Variants in PRKD3 observed in about 807,000 individuals in gnomAD.
PRKD3 encodes the protein serine/threonine-protein kinase D3.
Under a neutral mutation model 99.2 loss-of-function variants are expected in PRKD3, and 47 were observed. The ratio of observed to expected loss-of-function variants is 0.47; its 90% CI spans 0.38 to 0.60. The LOEUF (loss-of-function observed/expected upper bound fraction) is 0.60, where lower values mean the gene tolerates loss of function less well. PRKD3 is among the 20% of genes least tolerant of loss of function. PRKD3 has a pLI of 0.00. For synonymous variants in PRKD3, 392 were observed against 355.4 expected, an observed-to-expected ratio of 1.10 and a Z score of -1.16; for missense variants, 1,019 against 1,088.4, an observed-to-expected ratio of 0.94 and a Z score of 0.90.
Position 37,260,434 on chromosome 2 carries a change from T to G in PRKD3, c.1885-50A>C, listed in dbSNP as rs1486610887. 2.0e-6 allele frequency: 3 copies of G among 1,499,858 alleles called. No homozygotes were observed. In the South Asian group the frequency reaches 3.4e-5, roughly 17 times the overall value. 92.9% of individuals were successfully genotyped at this position (1,499,858 alleles called of 1,614,324 possible). On this transcript the variant is annotated intron_variant, in intron 14 of 18. Transcript: ENST00000234179. ...GAGCAACTTAAGCAGAGAAACAGTT[T>G]TACTAATATCTAGATGTGCTATGAT... is the stretch of plus-strand genomic sequence containing the variant.
chr2:37,262,110 T>A (rs1668508073), intron 14 of PRKD3, among the ~76,000 whole-genome samples: 1 of 152,172 alleles, frequency 6.6e-6, no homozygotes, highest in Non-Finnish European at 1.5e-5. Flanking sequence ...TTTATGGAGA[T>A]ATGACCCCGT....
chr2:37,304,195 C>CT (rs1244660479), intron 2 of PRKD3, among the ~76,000 whole-genome samples: 4 of 96,852 alleles, frequency 4.1e-5, no homozygotes, highest in Non-Finnish European at 8.3e-5. Context: ...CAGGTACTTA[C>CT]TAAAAAAAAA....
intron 2 of PRKD3, among the ~76,000 whole-genome samples, chr2:37,300,341 T>C (rs559627139): frequency 6.6e-6 from 1 of 151,984 alleles, no homozygotes; most frequent in Non-Finnish European, 1.5e-5. Flanking sequence ...CTCATGGAGA[T>C]AGAGAGTAGA....
intron 2 of PRKD3, among the ~76,000 whole-genome samples, chr2:37,307,816 T>G (rs1671228449): frequency 1.3e-5 from 2 of 152,256 alleles, no homozygotes; most frequent in Admixed American, 6.5e-5. Context: ...ACGCTTTTGG[T>G]CATATCCAAG....
intron 1 of PRKD3, among the ~76,000 whole-genome samples, chr2:37,323,584 G>A (rs1220642356): frequency 6.6e-6 from 1 of 152,122 alleles, no homozygotes; most frequent in Non-Finnish European, 1.5e-5. Context: ...CTAGATCTCA[G>A]TCGGGGGAAC....
intron 17 of PRKD3, 21 bp downstream of exon 17, chr2:37,256,641 T>A (rs752733905): frequency 8.2e-5 from 114 of 1,383,144 alleles, no homozygotes; most frequent in South Asian, 3.2e-4. Flanking sequence ...TTTTTTTTTT[T>A]TTTTTTTTTT....
chr2:37,289,206 C>T, intron 5 of PRKD3, 150 bp downstream of exon 5: 2 of 930,138 alleles, frequency 2.2e-6, no homozygotes, highest in Non-Finnish European at 3.1e-6. Context: ...ACCGGTAAGT[C>T]CTGTCTCCAT....
chr2:37,281,368 A>G (rs1264111927), intron 7 of PRKD3, among the ~76,000 whole-genome samples: 1 of 152,244 alleles, frequency 6.6e-6, no homozygotes, highest in Non-Finnish European at 1.5e-5. Context: ...AAAACCAATC[A>G]TGCTCTGTCA....
chr2:37,308,942 T>G, intron 2 of PRKD3, among the ~76,000 whole-genome samples: 1 of 152,206 alleles, frequency 6.6e-6, no homozygotes, highest in East Asian at 1.9e-4. Flanking sequence ...TATTGTAGGT[T>G]TTTCTTCTCT....
chr2:37,278,144 A>C (rs1669664685), intron 8 of PRKD3, 155 bp from the exon 9 acceptor site: 2 of 462,904 alleles, frequency 4.3e-6, no homozygotes, highest in Non-Finnish European at 7.4e-6. Context: ...TAATCCTGTT[A>C]TGATGATACA....
intron 13 of PRKD3, chr2:37,268,361 A>G (rs1321304781): frequency 2.1e-6 from 1 of 470,806 alleles, no homozygotes; most frequent in Admixed American, 2.4e-5. Context: ...ACTACTCTTA[A>G]AACTGACAAA....
Position 37,274,645 on chromosome 2 carries a change from T to G in PRKD3, c.1427A>C (p.Asn476Thr). The G allele has an allele frequency of 6.2e-7, 1 of 1,614,116 alleles. No individual in the cohort carries two copies. Among genetic ancestry groups the G allele is most frequent in the Non-Finnish European group, 8.5e-7 (1 of 1,179,956 alleles). ...LRISSPRDFT[N>T]ISQGSNPHCF... ...GTGTGGATTGCTGCCTTGTGAAATGTTTGTGAAATCTCGTGGTGAAGATAT... is the reference window on the plus strand; with the variant it reads ...GTGTGGATTGCTGCCTTGTGAAATGGTTGTGAAATCTCGTGGTGAAGATAT... The change falls in exon 11 of 19, where the codon AAC (asparagine) becomes ACC (threonine). Residue 476 changes from asparagine (N) to threonine (T), a missense_variant. Physicochemically the swap from Asn to Thr is moderately conservative, Grantham distance 65. Coordinates refer to ENST00000234179, the MANE Select transcript of PRKD3 (RefSeq NM_005813.6).
intron 16 of PRKD3, 45 bp from the exon 17 acceptor site, chr2:37,256,974 T>A (rs779457932): frequency 6.3e-7 from 1 of 1,596,300 alleles, no homozygotes; most frequent in South Asian, 1.1e-5. Flanking sequence ...TAGTGTTATA[T>A]ATGTAACTAC....
intron 2 of PRKD3, among the ~76,000 whole-genome samples, chr2:37,300,244 C>T (rs1670860659): frequency 6.6e-6 from 1 of 152,088 alleles, no homozygotes; most frequent in African/African-American, 2.4e-5. Context: ...TAGAGAATAA[C>T]ATTTCAGTTG....
intron 2 of PRKD3, among the ~76,000 whole-genome samples, chr2:37,312,279 A>G (rs561220420): frequency 7.9e-5 from 12 of 152,236 alleles, no homozygotes; most frequent in Non-Finnish European, 1.5e-4. Context: ...TCATTTGATT[A>G]TAACTATTTC....
At chr2:37,302,135 T>C (rs540864566) in intron 2 of PRKD3, among the ~76,000 whole-genome samples, 1 of 152,332 alleles carries the variant, frequency 6.6e-6, no homozygotes, top group East Asian at 1.9e-4. Context: ...TTACCTGGCC[T>C]ACCTCATCCT....
chr2:37,256,551 G>T, intron 17 of PRKD3, 111 bp downstream of exon 17: 1 of 1,296,720 alleles, frequency 7.7e-7, no homozygotes, highest in Non-Finnish European at 1.0e-6. Context: ...AATGGGAGAT[G>T]TACTAAAAAG....
At chr2:37,297,627 T>C (rs992221508) in intron 2 of PRKD3, among the ~76,000 whole-genome samples, 9 of 152,226 alleles carry the variant, frequency 5.9e-5, no homozygotes, top group African/African-American at 1.9e-4. Context: ...GCTGGGTTAG[T>C]TTCTCAGACT....
intron 14 of PRKD3, among the ~76,000 whole-genome samples, chr2:37,263,315 T>G (rs1198467249): frequency 6.6e-6 from 1 of 152,216 alleles, no homozygotes; most frequent in African/African-American, 2.4e-5. Flanking sequence ...TGTTTTCTGA[T>G]TTTGTAATTT....
Sources: allele counts gnomAD v4.1 joint callset (sites outside exome capture counted in the v4.1 genomes callset), GRCh38; gene constraint gnomAD v4.1.1; transcripts MANE v1.5; gene names NCBI Gene and HGNC (gene_info 2026-07-23, HGNC 2026-07-21).